The following MARK4 variants were observed in gnomAD, a reference collection of about 807,000 sequenced individuals.
MARK4 encodes microtubule affinity regulating kinase 4, also known as MAP/microtubule affinity-regulating kinase 4.
A neutral mutation model predicts 81.5 loss-of-function variants in MARK4; 19 were observed. That is an observed-to-expected ratio of 0.23 (90% CI 0.16 to 0.34). The LOEUF (loss-of-function observed/expected upper bound fraction) is 0.34, where lower values mean the gene tolerates loss of function less well. Among genes scored for constraint, MARK4 ranks in the 10% least tolerant of loss-of-function variants. MARK4 has a pLI of 1.00. For synonymous variants in MARK4, 436 were observed against 439.0 expected (o/e 0.99, Z 0.08); for missense variants, 772 against 1,058.8 (o/e 0.73, Z 3.76).
In MARK4 at chr19:45,303,080, C is replaced by T. The variant is rs537052271; in HGVS notation, c.*370C>T. The T allele has an allele frequency of 3.0e-5, 8 of 265,274 alleles. No homozygotes were observed. Among genetic ancestry groups the T allele is most frequent in the Admixed American group, 1.0e-4 (2 of 19,754 alleles). 16.4% of individuals were successfully genotyped at this position (265,274 alleles called of 1,614,324 possible). On this transcript the variant is annotated 3_prime_UTR_variant, in exon 17 of 17. Transcript: ENST00000262891. The stretch of plus-strand genomic sequence containing the variant: ...CCTTGGGCAGGGGCAGGGAGAGCTG[C>T]TGAGCCTAAAGACTGGAGAATCTGG...
chr19:45,299,789 C>T (rs1970942473), intron 15 of MARK4, 22 bp from the exon 16 acceptor site: 1 of 1,585,536 alleles, frequency 6.3e-7, no homozygotes, highest in African/African-American at 1.3e-5. Flanking sequence ...ATTAGACACT[C>T]TGTCCCCCTC....
chr19:45,284,710 T>C (rs1279523209), intron 12 of MARK4, among the ~76,000 whole-genome samples: 1 of 152,180 alleles, frequency 6.6e-6, no homozygotes, highest in African/African-American at 2.4e-5. Context: ...CCCAGCACTT[T>C]GGGAGGCTGA....
intron 15 of MARK4, among the ~76,000 whole-genome samples, chr19:45,298,418 T>G (rs1214495780): frequency 6.6e-6 from 1 of 152,148 alleles, no homozygotes; most frequent in Non-Finnish European, 1.5e-5. Flanking sequence ...CAAGTGACCT[T>G]GAGCAAGTCA....
At chr19:45,301,834 C>T (rs181507431) in intron 16 of MARK4, among the ~76,000 whole-genome samples, 1 of 147,628 alleles carries the variant, frequency 6.8e-6, no homozygotes, top group Non-Finnish European at 1.5e-5. Flanking sequence ...CATTGCACTC[C>T]AGCCTGGGTA....
intron 1 of MARK4, among the ~76,000 whole-genome samples, chr19:45,253,485 G>C (rs1220983928): frequency 6.6e-6 from 1 of 152,162 alleles, no homozygotes. Flanking sequence ...GTGACCGCTT[G>C]AGTGCCTCCA....
chr19:45,271,098 G>T lies in MARK4; in HGVS notation c.550-374G>T, dbSNP rs544056389. Among the ~76,000 whole-genome samples the T allele has an allele frequency of 2.9e-4, 44 of 152,250 alleles. No individual in the cohort carries two copies. Among genetic ancestry groups the T allele is most frequent in the African/African-American group, 1.1e-3 (44 of 41,566 alleles). On this transcript the variant is annotated intron_variant, in intron 7 of 16. Coordinates refer to ENST00000262891, the MANE Select transcript of MARK4 (RefSeq NM_001199867.2). The surrounding 1 kb of genome is among the most constrained non-coding windows in gnomAD (Gnocchi z 4.1). ...TTTTTGTATTTTTAGTAGAGATGGG[G>T]ATTCACCATGTTGGCCAGGCCGATC... is the stretch of plus-strand genomic sequence containing the variant.
chr19:45,282,671 C>CA (rs1344328163), intron 12 of MARK4, among the ~76,000 whole-genome samples: 1 of 151,984 alleles, frequency 6.6e-6, no homozygotes, highest in South Asian at 2.1e-4. Flanking sequence ...ACTAAAAATA[C>CA]AAAAAAAGCC....
intron 14 of MARK4, among the ~76,000 whole-genome samples, chr19:45,295,667 C>T (rs1281191440): frequency 6.6e-6 from 1 of 152,100 alleles, no homozygotes; most frequent in African/African-American, 2.4e-5. Context: ...CCCAGCTACT[C>T]AGAAGGCTGA....
At chr19:45,273,008 T>G (rs1279619293) in intron 8 of MARK4, among the ~76,000 whole-genome samples, 1 of 152,180 alleles carries the variant, frequency 6.6e-6, no homozygotes, top group African/African-American at 2.4e-5. Context: ...CAGACTAACA[T>G]TCCTACTGGG....
intron 2 of MARK4, among the ~76,000 whole-genome samples, chr19:45,261,661 C>T (rs935767538): frequency 1.6e-4 from 25 of 152,132 alleles, no homozygotes; most frequent in Non-Finnish European, 3.1e-4. Context: ...AGACTGGGTG[C>T]GGTGGCTCAT....
intron 15 of MARK4, among the ~76,000 whole-genome samples, chr19:45,298,642 G>A (rs1599806144): frequency 6.6e-6 from 1 of 152,186 alleles, no homozygotes; most frequent in African/African-American, 2.4e-5. Context: ...AGGCCCTGTA[G>A]TAGAGGGTGA....
intron 8 of MARK4, among the ~76,000 whole-genome samples, chr19:45,274,671 C>T (rs1054596988): frequency 6.6e-6 from 1 of 152,060 alleles, no homozygotes; most frequent in African/African-American, 2.4e-5. Flanking sequence ...CAGGCTCTGA[C>T]ACTCCGGCCA....
At chr19:45,253,645 C>T (rs1193232242) in intron 1 of MARK4, among the ~76,000 whole-genome samples, 1 of 152,166 alleles carries the variant, frequency 6.6e-6, no homozygotes, top group Non-Finnish European at 1.5e-5. Context: ...GATTCACTCC[C>T]AGCTTGCAGC....
chr19:45,263,072 G>A, intron 2 of MARK4, 41 bp from the exon 3 acceptor site: 2 of 1,579,616 alleles, frequency 1.3e-6, no homozygotes, highest in Non-Finnish European at 1.7e-6. Context: ...AGTGGGGCTT[G>A]TGGCACCTTG....
chr19:45,251,687 CA>C, intron 1 of MARK4, 48 bp downstream of exon 1: 1 of 1,470,068 alleles, frequency 6.8e-7, no homozygotes, highest in Non-Finnish European at 9.1e-7. Flanking sequence ...GTCCAGCCGC[CA>C]AACCCTTCTC....
At position 45,251,510 on chromosome 19, in the gene MARK4, G is replaced by T. The variant is rs900399682; in HGVS notation, c.-79G>T. The T allele has an allele frequency of 7.3e-6, 6 of 822,980 alleles. No homozygotes were observed. Among genetic ancestry groups the T allele is most frequent in the African/African-American group, 1.9e-5 (1 of 53,810 alleles). The allele number at this position is 822,980 out of a possible 1,614,324, so 51.0% of individuals were successfully genotyped here. On this transcript the variant is annotated 5_prime_UTR_variant, in exon 1 of 17. Coordinates refer to ENST00000262891, the MANE Select transcript of MARK4 (RefSeq NM_001199867.2). ...TGAGCTCGCGTCCCCAGGCCGGCGGGGGGGGAGGGGAAGAGAGGGGACCCT... is the reference window on the plus strand; with the variant it reads ...TGAGCTCGCGTCCCCAGGCCGGCGGTGGGGGAGGGGAAGAGAGGGGACCCT...
rs1207207066 is a variant in MARK4, at chr19:45,304,518, A to G, written c.*1808A>G. 6.6e-6 allele frequency: 1 copy of G among 152,262 alleles called. No homozygotes were observed. The allele number at this position is 152,262 out of a possible 1,614,324, so 9.4% of individuals were successfully genotyped here. ...CAGCACCTTTGGGGCCAAAATGAATAAGCTGGACTTTCTCCCCATGGCACT... is the reference window on the plus strand; with the variant it reads ...CAGCACCTTTGGGGCCAAAATGAATGAGCTGGACTTTCTCCCCATGGCACT... On this transcript the variant is annotated 3_prime_UTR_variant, in exon 17 of 17. Coordinates refer to ENST00000262891, the MANE Select transcript of MARK4 (RefSeq NM_001199867.2).
intron 16 of MARK4, among the ~76,000 whole-genome samples, chr19:45,300,209 GTGGCGCATGCCTGTAA>G (rs1714861287): frequency 6.6e-6 from 1 of 152,124 alleles, no homozygotes; most frequent in Admixed American, 6.5e-5. Flanking sequence ...GCCGGGCGTA[GTGGCGCATGCCTGTAA>G]TCCCAACTAC....
intron 12 of MARK4, among the ~76,000 whole-genome samples, chr19:45,281,660 C>T (rs1296640644): frequency 1.3e-5 from 2 of 152,066 alleles, no homozygotes; most frequent in East Asian, 1.9e-4. Flanking sequence ...CACCCAGCCC[C>T]CAATTTCTTA....
Sources: allele counts gnomAD v4.1 joint callset (sites outside exome capture counted in the v4.1 genomes callset), GRCh38; gene constraint gnomAD v4.1.1; non-coding constraint Gnocchi (gnomAD v3.1); transcripts MANE v1.5; gene names NCBI Gene and HGNC (gene_info 2026-07-23, HGNC 2026-07-21).